The following UGCG variants were observed in gnomAD, a reference collection of about 807,000 sequenced individuals.
UGCG encodes the protein ceramide glucosyltransferase.
UGCG carries 10 observed loss-of-function variants against 49.5 expected under a neutral mutation model. That is an observed-to-expected ratio of 0.20 (90% CI 0.12 to 0.34). UGCG has a LOEUF of 0.34. Among genes scored for constraint, UGCG ranks in the 10% least tolerant of loss-of-function variants. The probability of loss-of-function intolerance (pLI) is 1.00; values close to 1 mark genes in which losing one functional copy is unlikely to be tolerated. For missense variants in UGCG, 312 were observed against 483.7 expected, an observed-to-expected ratio of 0.65 and a Z score of 3.33; for synonymous variants, 182 against 158.2, an observed-to-expected ratio of 1.15 and a Z score of -1.13.
chr9:111,930,267 TTACTA>T (rs1838401278), intron 6 of UGCG, among the ~76,000 whole-genome samples: 1 of 152,232 alleles, frequency 6.6e-6, no homozygotes, highest in Admixed American at 6.5e-5. Context: ...TTTAGAATTT[TTACTA>T]TATAGATACA....
chr9:111,927,776 C>A (rs1173182238), intron 5 of UGCG, among the ~76,000 whole-genome samples: 1 of 152,180 alleles, frequency 6.6e-6, no homozygotes, highest in Non-Finnish European at 1.5e-5. Flanking sequence ...TAAAAATAAA[C>A]ATTGTATCAT....
Position 111,929,704 on chromosome 9 carries a change from T to C in UGCG, c.737+26T>C, listed in dbSNP as rs778182590. 3.7e-6 allele frequency: 6 copies of C among 1,607,978 alleles called. No individual in the cohort carries two copies. The African/African-American group carries it at 8.0e-5, about 22-fold the overall frequency. Reference sequence around the variant, plus strand: ...GTAAGACAACTAAATGAAGCCATAGTATTTTTATTACCTAACTTCTGTTGG... The same window carrying C: ...GTAAGACAACTAAATGAAGCCATAGCATTTTTATTACCTAACTTCTGTTGG... On this transcript the variant is annotated intron_variant, in intron 6 of 8. Coordinates refer to ENST00000374279, the MANE Select transcript of UGCG (RefSeq NM_003358.3).
At chr9:111,901,386 T>C (rs1442945231) in intron 1 of UGCG, among the ~76,000 whole-genome samples, 1 of 152,226 alleles carries the variant, frequency 6.6e-6, no homozygotes. Flanking sequence ...CCTTGGACTG[T>C]GGTCAAACGT....
chr9:111,922,999 T>G (rs758207446), intron 3 of UGCG, 48 bp downstream of exon 3: 1 of 1,266,884 alleles, frequency 7.9e-7, no homozygotes, highest in South Asian at 1.2e-5. Flanking sequence ...TAGTATTAAG[T>G]ATCAGTAATC....
chr9:111,900,843 C>T (rs551508983), intron 1 of UGCG, among the ~76,000 whole-genome samples: 3 of 152,088 alleles, frequency 2.0e-5, no homozygotes, highest in East Asian at 1.9e-4. Context: ...TTTCTACAAA[C>T]GTATTTCCTT....
chr9:111,901,503 A>C (rs989936396), intron 1 of UGCG, among the ~76,000 whole-genome samples: 1 of 152,172 alleles, frequency 6.6e-6, no homozygotes, highest in African/African-American at 2.4e-5. Context: ...GAATTAGACT[A>C]TAGTGTGATA....
intron 3 of UGCG, among the ~76,000 whole-genome samples, chr9:111,924,416 T>G (rs1344957243): frequency 6.6e-6 from 1 of 152,186 alleles, no homozygotes; most frequent in Non-Finnish European, 1.5e-5. Context: ...TATACTTTAT[T>G]TGTGGTGAGA....
chr9:111,929,860 C>G (rs1422156813), intron 6 of UGCG, among the ~76,000 whole-genome samples, 182 bp downstream of exon 6: 1 of 152,086 alleles, frequency 6.6e-6, no homozygotes, highest in Non-Finnish European at 1.5e-5. Context: ...GCTCTGTCAC[C>G]TAGGCTGGAG....
At position 111,914,760 on chromosome 9, in the gene UGCG, T is replaced by TA. The variant is rs1375216463; in HGVS notation, c.240+15dup. ...GATTATCCCAAAGTAAGTTCAGTGT[T>TA]ACGGTTTTTTGTTTTGTTTTGTTTT... On this transcript the variant is annotated intron_variant, in intron 2 of 8. Transcript: ENST00000374279. 6.9e-6 allele frequency: 11 copies of TA among 1,587,512 alleles called. No homozygotes were observed. The highest frequency in any genetic ancestry group is 3.2e-5 in the African/African-American group (2 of 62,160).
At chr9:111,916,198 A>G (rs545737481) in intron 2 of UGCG, among the ~76,000 whole-genome samples, 1 of 152,326 alleles carries the variant, frequency 6.6e-6, no homozygotes, top group East Asian at 1.9e-4. Context: ...ATAAAAGTAA[A>G]TGCAAAGGAG....
At chr9:111,910,424 C>T (rs912370696) in intron 1 of UGCG, among the ~76,000 whole-genome samples, 1 of 152,164 alleles carries the variant, frequency 6.6e-6, no homozygotes, top group Admixed American at 6.6e-5. Flanking sequence ...ACATCTCAAA[C>T]TTTTTCATGA....
At chr9:111,897,942 C>T (rs1368412730) in intron 1 of UGCG, among the ~76,000 whole-genome samples, 1 of 149,112 alleles carries the variant, frequency 6.7e-6, no homozygotes, top group Non-Finnish European at 1.5e-5. Flanking sequence ...TTTGTACTCT[C>T]CCCGTGCCGG....
In UGCG at chr9:111,932,897, A is replaced by G; in HGVS notation, c.1085A>G (p.Tyr362Cys). The change falls in exon 9 of 9, where the codon TAC becomes TGC. Residue 362 changes from tyrosine to cysteine, a missense_variant. Coordinates refer to ENST00000374279, the MANE Select transcript of UGCG (RefSeq NM_003358.3). ...AWFIRESMTI[Y>C]IFLSALWDPT... The stretch of plus-strand genomic sequence containing the variant: ...TTCATCCGCGAATCCATGACAATAT[A>G]CATTTTTTTGTCTGCATTATGGGAC... The G allele has an allele frequency of 1.9e-6, 3 of 1,612,860 alleles. No homozygotes were observed. The highest frequency in any genetic ancestry group is 2.5e-6 in the Non-Finnish European group (3 of 1,179,368).
intron 6 of UGCG, 32 bp from the exon 7 acceptor site, chr9:111,931,239 A>G (rs1170356435): frequency 1.9e-6 from 3 of 1,602,782 alleles, no homozygotes; most frequent in South Asian, 2.2e-5. Context: ...GTTCATCATC[A>G]TAACTTATTT....
intron 5 of UGCG, among the ~76,000 whole-genome samples, chr9:111,926,861 CTTTTTTT>C (rs56298523): frequency 3.5e-5 from 2 of 56,846 alleles, no homozygotes; most frequent in African/African-American, 5.9e-5. Context: ...TCCCCCCAGC[CTTTTTTT>C]TTTTTTTTTT....
At chr9:111,919,594 A>C (rs2118559212) in intron 2 of UGCG, among the ~76,000 whole-genome samples, 1 of 152,072 alleles carries the variant, frequency 6.6e-6, no homozygotes, top group Non-Finnish European at 1.5e-5. Flanking sequence ...GATTGAGACC[A>C]TCCTGGCTAG....
intron 2 of UGCG, among the ~76,000 whole-genome samples, chr9:111,920,879 T>C (rs1489166170): frequency 2.0e-5 from 3 of 152,014 alleles, no homozygotes; most frequent in Non-Finnish European, 4.4e-5. Flanking sequence ...TGCTTAAAAA[T>C]GTTCGACCAG....
intron 2 of UGCG, among the ~76,000 whole-genome samples, chr9:111,918,736 A>AGCC (rs1838155564): frequency 6.6e-6 from 1 of 152,058 alleles, no homozygotes; most frequent in African/African-American, 2.4e-5. Context: ...GATCGAGACC[A>AGCC]CGGTGAAACC....
At chr9:111,919,799 A>C (rs112602400) in intron 2 of UGCG, among the ~76,000 whole-genome samples, 5,146 of 151,434 alleles carry the variant, frequency 0.034, 115 homozygotes, top group Non-Finnish European at 0.046. Context: ...CATCTCAAAA[A>C]AAAAAAAAAA....
Sources: gnomAD v4.1 joint callset for allele counts (sites outside exome capture counted in the v4.1 genomes callset) on GRCh38, gnomAD v4.1.1 for gene constraint, MANE v1.5 for transcripts, NCBI Gene and HGNC (gene_info 2026-07-23, HGNC 2026-07-21) for gene names.